Variants in UNC5A observed in about 807,000 individuals in gnomAD.
UNC5A encodes the protein netrin receptor UNC5A.
In UNC5A, 20 loss-of-function variants were observed where a neutral mutation model predicts 87.4. That is an observed-to-expected ratio of 0.23 (90% CI 0.16 to 0.33). The LOEUF (loss-of-function observed/expected upper bound fraction) is 0.33. Among genes scored for constraint, UNC5A ranks in the 10% least tolerant of loss-of-function variants. The pLI is 1.00. For synonymous variants in UNC5A, 438 were observed against 482.3 expected (o/e 0.91, Z 1.20); for missense variants, 844 against 1,133.4 (o/e 0.74, Z 3.67).
chr5:176,879,883 C>CTTTTTTAA lies in UNC5A; in HGVS notation c.2527_2528insTTTTTAAT (p.Ter843PhefsTer134). 1 of 1,592,274 alleles carries CTTTTTTAA rather than the reference C, an allele frequency of 6.3e-7. No individual in the cohort carries two copies. Among genetic ancestry groups the CTTTTTTAA allele is most frequent in the South Asian group, 1.1e-5 (1 of 88,574 alleles). On this transcript the variant is annotated frameshift_variant, in exon 15 of 15. Coordinates refer to ENST00000329542, the MANE Select transcript of UNC5A (RefSeq NM_133369.3). LOFTEE classifies it high-confidence loss of function. ...TCTTCACAGTGTCGGAGGCTGAGTG[C>CTTTTTTAA]TGAGGCCGGCCAGGCCCGACACCTA...
intron 1 of UNC5A, among the ~76,000 whole-genome samples, chr5:176,811,079 C>T (rs1200651061): frequency 2.0e-5 from 3 of 152,174 alleles, no homozygotes; most frequent in African/African-American, 4.8e-5. Flanking sequence ...CCCACGCCTC[C>T]GGGTGGGGGA....
In UNC5A at chr5:176,865,655, C is replaced by G. The variant is rs1224240818; in HGVS notation, c.293-2475C>G. 1 of 456,726 alleles carries G rather than the reference C, an allele frequency of 2.2e-6. No individual in the cohort carries two copies. The highest frequency in any genetic ancestry group is 1.5e-5 in the South Asian group (1 of 64,578). 28.3% of individuals were successfully genotyped at this position (456,726 alleles called of 1,614,324 possible). Reference sequence around the variant, plus strand: ...GGCTTTCCTTACCCACGGCAGATACCACGGCAGTGGCGCCACGCCGCCAAA... The same window carrying G: ...GGCTTTCCTTACCCACGGCAGATACGACGGCAGTGGCGCCACGCCGCCAAA... On this transcript the variant is annotated intron_variant, in intron 2 of 14. Transcript: ENST00000329542. The surrounding 1 kb of genome is among the most constrained non-coding windows in gnomAD (Gnocchi z 5.3).
At chr5:176,854,017 A>G (rs1757607299) in intron 1 of UNC5A, among the ~76,000 whole-genome samples, 1 of 152,192 alleles carries the variant, frequency 6.6e-6, no homozygotes, top group African/African-American at 2.4e-5. Flanking sequence ...GGGGTCAAAT[A>G]AGGCCAGGGA....
intron 1 of UNC5A, among the ~76,000 whole-genome samples, chr5:176,826,935 G>A (rs968837402): frequency 1.3e-5 from 2 of 151,322 alleles, no homozygotes; most frequent in Non-Finnish European, 3.0e-5. Context: ...CACCGCGCCC[G>A]GCCCAAACAT....
intron 1 of UNC5A, among the ~76,000 whole-genome samples, chr5:176,823,071 C>T (rs1274652195): frequency 6.6e-6 from 1 of 151,276 alleles, no homozygotes; most frequent in Non-Finnish European, 1.5e-5. Flanking sequence ...CAAGAAATGA[C>T]GAGGCGTCCC....
Position 176,879,413 on chromosome 5 carries a change from T to C in UNC5A, c.2288T>C (p.Ile763Thr). 1.9e-6 allele frequency: 3 copies of C among 1,612,772 alleles called. No individual in the cohort carries two copies. The highest frequency in any genetic ancestry group is 1.3e-5 in the African/African-American group (1 of 75,024). The change falls in exon 14 of 15, where the codon ATA becomes ACA. Residue 763 changes from isoleucine to threonine, a missense_variant. By Grantham distance (89) the Ile-to-Thr change is moderately conservative. Coordinates refer to ENST00000329542, the MANE Select transcript of UNC5A (RefSeq NM_133369.3). Reference sequence around the variant, plus strand: ...ATCCCCTTCCTCATTCGGCAGAAGATAATTTCCAGCCTGGACCCACCCTGT... The same window carrying C: ...ATCCCCTTCCTCATTCGGCAGAAGACAATTTCCAGCCTGGACCCACCCTGT... ...FKIPFLIRQK[I>T]ISSLDPPCRR...
Position 176,875,736 on chromosome 5 carries a change from TCA to T in UNC5A, c.1378+1177_1378+1178del, listed in dbSNP as rs1418679874. Among the ~76,000 whole-genome samples, 1 of 151,964 alleles carries T rather than the reference TCA, an allele frequency of 6.6e-6. No homozygotes were observed. Among genetic ancestry groups the T allele is most frequent in the Non-Finnish European group, 1.5e-5 (1 of 67,988 alleles). ...AGGCCAGCTGCTTCAGCCTCTTCCC[TCA>T]CACACATCGTCCCGCACACGGCAGC... is the stretch of plus-strand genomic sequence containing the variant. On this transcript the variant is annotated intron_variant, in intron 8 of 14. Coordinates refer to ENST00000329542, the MANE Select transcript of UNC5A (RefSeq NM_133369.3). The surrounding 1 kb of genome is among the most constrained non-coding windows in gnomAD (Gnocchi z 5.2).
intron 1 of UNC5A, among the ~76,000 whole-genome samples, chr5:176,820,707 C>G (rs894134995): frequency 6.6e-6 from 1 of 152,146 alleles, no homozygotes; most frequent in Non-Finnish European, 1.5e-5. Flanking sequence ...CTTCTAGAAC[C>G]GTGCCTGGAG....
At position 176,841,452 on chromosome 5, in the gene UNC5A, G is replaced by T. The variant is rs1757275324; in HGVS notation, c.71-21172G>T. Among the ~76,000 whole-genome samples the T allele has an allele frequency of 6.6e-6, 1 of 152,190 alleles. No individual in the cohort carries two copies. The highest frequency in any genetic ancestry group is 1.5e-5 in the Non-Finnish European group (1 of 68,038). On this transcript the variant is annotated intron_variant, in intron 1 of 14. Transcript: ENST00000329542. This position sits in a 1 kb window ranked among gnomAD's most constrained non-coding sequence, Gnocchi z 4.1. ...ACAGACTGTGGAACCGGGCTGCCTGGCTGTCCCATGTGCAGCAGTGTGGCT... is the reference window on the plus strand; with the variant it reads ...ACAGACTGTGGAACCGGGCTGCCTGTCTGTCCCATGTGCAGCAGTGTGGCT...
In UNC5A at chr5:176,865,150, G is replaced by T. The variant is rs1757941546; in HGVS notation, c.292+2305G>T. 6.6e-6 allele frequency among the ~76,000 whole-genome samples: 1 copy of T among 152,184 alleles called. No individual in the cohort carries two copies. The highest frequency in any genetic ancestry group is 1.5e-5 in the Non-Finnish European group (1 of 68,020). On this transcript the variant is annotated intron_variant, in intron 2 of 14. Transcript: ENST00000329542. This position sits in a 1 kb window ranked among gnomAD's most constrained non-coding sequence, Gnocchi z 5.3. ...TCCTTTCTCCCCACCCCACACCCGG[G>T]GCCCAGCGTCCCTTCAGCATAAGTT...
At chr5:176,849,450 T>G (rs892483203) in intron 1 of UNC5A, among the ~76,000 whole-genome samples, 1 of 152,182 alleles carries the variant, frequency 6.6e-6, no homozygotes, top group Admixed American at 6.5e-5. Flanking sequence ...CTGGGTGTTG[T>G]GGCATGCACC....
intron 1 of UNC5A, among the ~76,000 whole-genome samples, chr5:176,823,652 G>T (rs1756783521): frequency 6.6e-6 from 1 of 151,924 alleles, no homozygotes. Context: ...AGGCTCGGAG[G>T]TCTGGGCACG....
rs759386830 is a variant in UNC5A at position 176,841,416 on chromosome 5, G to A, written c.71-21208G>A. 6.6e-6 allele frequency among the ~76,000 whole-genome samples: 1 copy of A among 152,190 alleles called. No homozygotes were observed. Among genetic ancestry groups the A allele is most frequent in the Non-Finnish European group, 1.5e-5 (1 of 68,030 alleles). On this transcript the variant is annotated intron_variant, in intron 1 of 14. Coordinates refer to ENST00000329542, the MANE Select transcript of UNC5A (RefSeq NM_133369.3). This position sits in a 1 kb window ranked among gnomAD's most constrained non-coding sequence, Gnocchi z 4.1. ...GAGCTGTGAGATGCAGCATAGCAGGGGACTTGGGGCACAGACTGTGGAACC... is the reference window on the plus strand; with the variant it reads ...GAGCTGTGAGATGCAGCATAGCAGGAGACTTGGGGCACAGACTGTGGAACC...
chr5:176,856,353 C>T (rs999670), intron 1 of UNC5A, among the ~76,000 whole-genome samples: 17,192 of 152,188 alleles, frequency 0.11, 1,241 homozygotes, highest in East Asian at 0.36. Flanking sequence ...CCCGCCACTC[C>T]GCCTGTGGGC....
chr5:176,862,957 TC>T, intron 2 of UNC5A, 112 bp downstream of exon 2: 2 of 1,264,544 alleles, frequency 1.6e-6, no homozygotes, highest in Non-Finnish European at 2.2e-6. Context: ...CCGGAGGCCT[TC>T]CCCAGAGGCC....
chr5:176,874,240 C>A lies in UNC5A; in HGVS notation c.1076-24C>A. 6.3e-7 allele frequency: 1 copy of A among 1,584,162 alleles called. No individual in the cohort carries two copies. The highest frequency in any genetic ancestry group is 8.6e-7 in the Non-Finnish European group (1 of 1,163,012). ...GGCAGGGATGCCCTAGGTGCCATTG[C>A]CTGAGTCTGTCTTTATCCTGCAGAC... On this transcript the variant is annotated intron_variant, in intron 7 of 14. Transcript: ENST00000329542. The surrounding 1 kb of genome is among the most constrained non-coding windows in gnomAD (Gnocchi z 7.6).
At chr5:176,862,898 C>T in intron 2 of UNC5A, 53 bp downstream of exon 2, 2 of 1,595,090 alleles carry the variant, frequency 1.3e-6, no homozygotes, top group African/African-American at 1.3e-5. Context: ...CGAGTTTCGG[C>T]CCCCCCAGAG....
rs764060724 is a variant in UNC5A at position 176,877,898 on chromosome 5, T to C, written c.1640T>C (p.Val547Ala). 6.2e-7 allele frequency: 1 copy of C among 1,600,732 alleles called. No individual in the cohort carries two copies. Among genetic ancestry groups the C allele is most frequent in the Non-Finnish European group, 8.5e-7 (1 of 1,178,592 alleles). Residue 547 changes from valine to alanine, a missense_variant, in exon 11 of 15, where the codon GTG becomes GCG. Val to Ala is a moderately conservative substitution (Grantham distance 64). Coordinates refer to ENST00000329542, the MANE Select transcript of UNC5A (RefSeq NM_133369.3). Reference sequence around the variant, plus strand: ...CCCACTGACCCCTGCCCACAGGATGTGCTGCACCTGGGCGAGGAGGCGCCC... The same window carrying C: ...CCCACTGACCCCTGCCCACAGGATGCGCTGCACCTGGGCGAGGAGGCGCCC... ...KQSCEGSWEDVLHLGEEAPSH... is the reference protein window; with the variant it reads ...KQSCEGSWEDALHLGEEAPSH...
At chr5:176,852,487 C>T (rs1757568611) in intron 1 of UNC5A, among the ~76,000 whole-genome samples, 1 of 152,200 alleles carries the variant, frequency 6.6e-6, no homozygotes, top group African/African-American at 2.4e-5. Flanking sequence ...CACATAATTA[C>T]CCTGGATTCC....
Sources: gnomAD v4.1 joint callset for allele counts (sites outside exome capture counted in the v4.1 genomes callset) on GRCh38, gnomAD v4.1.1 for gene constraint, Gnocchi (gnomAD v3.1) non-coding constraint, MANE v1.5 for transcripts, NCBI Gene and HGNC (gene_info 2026-07-23, HGNC 2026-07-21) for gene names.